Variants in PRKCD observed in about 807,000 individuals in gnomAD.
PRKCD encodes the protein protein kinase C delta.
In PRKCD, 20 loss-of-function variants were observed where a neutral mutation model predicts 82.2. The ratio of observed to expected loss-of-function variants is 0.24; its 90% CI spans 0.17 to 0.35. The LOEUF (loss-of-function observed/expected upper bound fraction) is 0.35. Among genes scored for constraint, PRKCD ranks in the 10% least tolerant of loss-of-function variants. The pLI is 1.00. For synonymous variants in PRKCD, 317 were observed against 337.0 expected (o/e 0.94, Z 0.65); for missense variants, 607 against 899.0 (o/e 0.68, Z 4.15).
intron 14 of PRKCD, among the ~76,000 whole-genome samples, chr3:53,186,896 G>C (rs571011444): frequency 1.8e-4 from 27 of 152,284 alleles, no homozygotes; most frequent in Non-Finnish European, 3.2e-4. Flanking sequence ...ACTGCGGCTG[G>C]GTGCGCAGCG....
intron 1 of PRKCD, among the ~76,000 whole-genome samples, chr3:53,162,695 C>CGTGT (rs34874901): frequency 0.016 from 2,358 of 148,054 alleles, 57 homozygotes; most frequent in African/African-American, 0.054. Context: ...TCACCAGACT[C>CGTGT]GTGTGTGTGT....
rs1442727415 is a variant in PRKCD at position 53,169,523 on chromosome 3, T to C, written c.-20+4308T>C. ...GGATCATGTCTATGGCCGTGTTGGG[T>C]AAACAGGCAGAGCAGAGCAGGCAGT... On this transcript the variant is annotated intron_variant, in intron 2 of 18. Transcript: ENST00000330452. This position sits in a 1 kb window ranked among gnomAD's most constrained non-coding sequence, Gnocchi z 4.7. 2.6e-5 allele frequency among the ~76,000 whole-genome samples: 4 copies of C among 151,916 alleles called. No homozygotes were observed. The highest frequency in any genetic ancestry group is 5.9e-5 in the Non-Finnish European group (4 of 67,974).
At chr3:53,187,834 T>TA (rs1553669626) in intron 15 of PRKCD, among the ~76,000 whole-genome samples, 1 of 152,112 alleles carries the variant, frequency 6.6e-6, no homozygotes. Context: ...GATATGTTGT[T>TA]AAGTGGAAAA....
intron 15 of PRKCD, among the ~76,000 whole-genome samples, chr3:53,188,047 G>A (rs1484104901): frequency 6.6e-6 from 1 of 151,990 alleles, no homozygotes; most frequent in Non-Finnish European, 1.5e-5. Context: ...AGTTAGCTGG[G>A]CATGGTGGTG....
At chr3:53,180,669 G>A (rs1289596830) in intron 4 of PRKCD, among the ~76,000 whole-genome samples, 1 of 152,302 alleles carries the variant, frequency 6.6e-6, no homozygotes, top group East Asian at 1.9e-4. Flanking sequence ...CTCTGGCTGT[G>A]CTGTCTCCGC....
chr3:53,185,475 G>A lies in PRKCD; in HGVS notation c.889-129G>A. ...TGTGTACACGCAGCCCGAGTAGGGG[G>A]CCTGGGCTGTGCCCCTGTTGTCTCC... On this transcript the variant is annotated intron_variant, in intron 10 of 18. Transcript: ENST00000330452. 8.0e-6 allele frequency: 6 copies of A among 754,282 alleles called. No homozygotes were observed. In the South Asian group the frequency reaches 9.8e-5, roughly 12 times the overall value. 46.7% of individuals were successfully genotyped at this position (754,282 alleles called of 1,614,324 possible). A position where few individuals can be genotyped will look rare whatever the true frequency, so the allele number is the denominator to read the frequency against.
chr3:53,177,463 T>A (rs1703250768), intron 2 of PRKCD, among the ~76,000 whole-genome samples: 1 of 152,180 alleles, frequency 6.6e-6, no homozygotes, highest in Admixed American at 6.5e-5. Flanking sequence ...GAATGTCAGC[T>A]TTTGGTTCTG....
intron 3 of PRKCD, chr3:53,179,375 G>T: frequency 1.4e-6 from 1 of 731,444 alleles, no homozygotes. Flanking sequence ...CAGAGGAAGA[G>T]GGAACAGCAG....
intron 15 of PRKCD, among the ~76,000 whole-genome samples, 195 bp from the exon 16 acceptor site, chr3:53,188,525 G>A (rs1703798428): frequency 6.6e-6 from 1 of 152,194 alleles, no homozygotes; most frequent in Non-Finnish European, 1.5e-5. Context: ...CCAGCGTTTA[G>A]CACACAGTAG....
In PRKCD at chr3:53,184,862, C is replaced by T. The variant is rs762017004; in HGVS notation, c.788-12C>T. 4 of 1,612,900 alleles carry T rather than the reference C, an allele frequency of 2.5e-6. No individual in the cohort carries two copies. The African/African-American group carries it at 4.0e-5, about 16-fold the overall frequency. On this transcript the variant is annotated splice_polypyrimidine_tract_variant and intron_variant, in intron 9 of 18. Coordinates refer to ENST00000330452, the MANE Select transcript of PRKCD (RefSeq NM_006254.4). ...CTCTGAGACTGACAGCCCCGCTTCTCCCTCACCCCAGACTGCGGCATGAAT... is the reference window on the plus strand; with the variant it reads ...CTCTGAGACTGACAGCCCCGCTTCTTCCTCACCCCAGACTGCGGCATGAAT...
chr3:53,162,999 T>G (rs193233171), intron 1 of PRKCD, among the ~76,000 whole-genome samples: 4 of 152,198 alleles, frequency 2.6e-5, no homozygotes, highest in Non-Finnish European at 5.9e-5. Flanking sequence ...GTTTCCTCGT[T>G]CCTGCTGTGG....
chr3:53,181,217 A>G lies in PRKCD; in HGVS notation c.326A>G (p.Gln109Arg). Residue 109 changes from glutamine (Q) to arginine (R), a missense_variant, in exon 5 of 19, where the codon CAG becomes CGG. Physicochemically the swap from Gln to Arg is conservative, Grantham distance 43. Transcript: ENST00000330452. ...TCTGGCCCCCAACAGCTGGACCTGCAGCCTCAGGCCAAGGTGTTGATGTCT... is the reference window on the plus strand; with the variant it reads ...TCTGGCCCCCAACAGCTGGACCTGCGGCCTCAGGCCAAGGTGTTGATGTCT... Reference protein sequence around the residue: ...NGKAEFWLDLQPQAKVLMSVQ... With the variant: ...NGKAEFWLDLRPQAKVLMSVQ... 6.2e-7 allele frequency: 1 copy of G among 1,613,790 alleles called. No homozygotes were observed. Among genetic ancestry groups the G allele is most frequent in the Non-Finnish European group, 8.5e-7 (1 of 1,179,844 alleles).
chr3:53,186,069 G>A, intron 12 of PRKCD, 42 bp downstream of exon 12: 1 of 1,612,088 alleles, frequency 6.2e-7, no homozygotes, highest in Non-Finnish European at 8.5e-7. Context: ...ACCCCACCCT[G>A]GCTTCTTCCC....
intron 9 of PRKCD, 80 bp from the exon 10 acceptor site, chr3:53,184,794 C>A: frequency 1.7e-6 from 2 of 1,204,480 alleles, no homozygotes; most frequent in Non-Finnish European, 1.2e-6. Flanking sequence ...CTTTCTCTTG[C>A]TCTCCTGCGC....
chr3:53,161,806 C>A (rs558253357), intron 1 of PRKCD, among the ~76,000 whole-genome samples: 14 of 151,462 alleles, frequency 9.2e-5, no homozygotes, highest in Admixed American at 3.3e-4. Context: ...TTCTGTCCCT[C>A]GCCACCCGAT....
chr3:53,175,010 C>T (rs1328070520), intron 2 of PRKCD, among the ~76,000 whole-genome samples: 1 of 152,246 alleles, frequency 6.6e-6, no homozygotes, highest in Non-Finnish European at 1.5e-5. Context: ...CTCTGACCCA[C>T]TGTCTCCTCC....
Position 53,187,438 on chromosome 3 carries a change from G to C in PRKCD, c.1415+36G>C, listed in dbSNP as rs539484672. ...GAGGGCAGCGGGGGCTCTTGGGAGGGGAGGCTCCAGCCCCATCATATCTTC... is the reference window on the plus strand; with the variant it reads ...GAGGGCAGCGGGGGCTCTTGGGAGGCGAGGCTCCAGCCCCATCATATCTTC... On this transcript the variant is annotated intron_variant, in intron 15 of 18. Coordinates refer to ENST00000330452, the MANE Select transcript of PRKCD (RefSeq NM_006254.4). 4 of 1,605,724 alleles carry C rather than the reference G, an allele frequency of 2.5e-6. No individual in the cohort carries two copies. In the East Asian group the frequency reaches 6.7e-5, roughly 27 times the overall value.
At chr3:53,176,733 A>G (rs1447218012) in intron 2 of PRKCD, among the ~76,000 whole-genome samples, 2 of 152,260 alleles carry the variant, frequency 1.3e-5, no homozygotes, top group Non-Finnish European at 2.9e-5. Context: ...AACTTAGAGA[A>G]TGGTGAGAAA....
intron 2 of PRKCD, among the ~76,000 whole-genome samples, chr3:53,167,287 T>G (rs983141171): frequency 9.9e-5 from 15 of 152,194 alleles, no homozygotes; most frequent in African/African-American, 3.6e-4. Context: ...GACCAGGCTT[T>G]TCACTGCCAG....
Sources: allele counts gnomAD v4.1 joint callset (sites outside exome capture counted in the v4.1 genomes callset), GRCh38; gene constraint gnomAD v4.1.1; non-coding constraint Gnocchi (gnomAD v3.1); transcripts MANE v1.5; gene names NCBI Gene and HGNC (gene_info 2026-07-23, HGNC 2026-07-21).